Variants in SHANK2 observed in about 807,000 individuals in gnomAD.
The protein encoded by SHANK2 is SH3 and multiple ankyrin repeat domains 2.
A neutral mutation model predicts 133.7 loss-of-function variants in SHANK2; 43 were observed. That is an observed-to-expected ratio of 0.32 (90% CI 0.25 to 0.41). The LOEUF is 0.41. Among genes scored for constraint, SHANK2 ranks in the 10% least tolerant of loss-of-function variants. The pLI is 1.00. For synonymous variants in SHANK2, 1,017 were observed against 952.8 expected (o/e 1.07, Z -1.24); for missense variants, 1,994 against 2,235.8 (o/e 0.89, Z 2.18).
intron 17 of SHANK2, among the ~76,000 whole-genome samples, chr11:70,619,168 GA>G (rs1171261337): frequency 6.6e-6 from 1 of 152,234 alleles, no homozygotes; most frequent in African/African-American, 2.4e-5. Flanking sequence ...CCTTGGGTTA[GA>G]TTCTTATTGC....
chr11:70,860,889 A>C (rs1395099089), intron 11 of SHANK2, among the ~76,000 whole-genome samples: 2 of 152,192 alleles, frequency 1.3e-5, no homozygotes, highest in African/African-American at 2.4e-5. Context: ...AAATAAAAGA[A>C]AATGTGTATG....
At chr11:71,219,840 G>C (rs989171538) in intron 2 of SHANK2, among the ~76,000 whole-genome samples, 18 of 152,090 alleles carry the variant, frequency 1.2e-4, no homozygotes, top group African/African-American at 4.3e-4. Context: ...AGAGGTTACA[G>C]TGAGCTGAGA....
chr11:70,916,866 A>G (rs1555079973), intron 10 of SHANK2, among the ~76,000 whole-genome samples: 1 of 152,218 alleles, frequency 6.6e-6, no homozygotes, highest in African/African-American at 2.4e-5. Context: ...ATGTCCTCCT[A>G]TGATAAGCAA....
Position 70,486,901 on chromosome 11 carries a change from T to G in SHANK2, c.3392A>C (p.Asp1131Ala). The change falls in exon 25 of 26, where the codon GAT becomes GCT. Residue 1131 changes from aspartate (D) to alanine (A), a missense_variant. Coordinates refer to ENST00000601538, the MANE Select transcript of SHANK2 (RefSeq NM_012309.5). The surrounding 1 kb of genome is among the most constrained non-coding windows in gnomAD (Gnocchi z 8.0). The stretch of plus-strand genomic sequence containing the variant: ...CTCAGCGCTGTCCTCGTCAGCAAAA[T>G]CCCCCTCCTCGGGGAACATGGAGGG... ...TRPSMFPEEG[D>A]FADEDSAEQL... 1 of 1,612,416 alleles carries G rather than the reference T, an allele frequency of 6.2e-7. No homozygotes were observed. The highest frequency in any genetic ancestry group is 1.1e-5 in the South Asian group (1 of 91,066).
At chr11:70,931,197 G>A (rs1950499541) in intron 10 of SHANK2, among the ~76,000 whole-genome samples, 1 of 152,196 alleles carries the variant, frequency 6.6e-6, no homozygotes, top group Non-Finnish European at 1.5e-5. Context: ...TAGACTCGTG[G>A]TGCCAGGGGC....
At chr11:70,528,970 G>A (rs573213616) in intron 17 of SHANK2, among the ~76,000 whole-genome samples, 1 of 152,270 alleles carries the variant, frequency 6.6e-6, no homozygotes, top group East Asian at 1.9e-4. Flanking sequence ...GGCCTTGTGG[G>A]AGCCTTAGGG....
intron 9 of SHANK2, among the ~76,000 whole-genome samples, chr11:71,074,281 G>A (rs1951190098): frequency 6.6e-6 from 1 of 152,190 alleles, no homozygotes; most frequent in Non-Finnish European, 1.5e-5. Context: ...AATGGACTTA[G>A]AGACCCGGAG....
At chr11:71,132,354 G>C (rs568800506) in intron 3 of SHANK2, among the ~76,000 whole-genome samples, 77 of 152,264 alleles carry the variant, frequency 5.1e-4, no homozygotes, top group Admixed American at 1.2e-3. Flanking sequence ...TACCAGCTTG[G>C]GATGCCAGCA....
At chr11:70,944,964 G>T (rs1317561399) in intron 10 of SHANK2, among the ~76,000 whole-genome samples, 2 of 152,182 alleles carry the variant, frequency 1.3e-5, no homozygotes, top group African/African-American at 4.8e-5. Context: ...CTGCACTGAG[G>T]ATATTAGGTA....
At chr11:70,480,044 CAA>C (rs1555151129) in intron 25 of SHANK2, among the ~76,000 whole-genome samples, 2 of 152,186 alleles carry the variant, frequency 1.3e-5, no homozygotes, top group African/African-American at 4.8e-5. Context: ...CTTCAGGAAA[CAA>C]AGTCTGGTCA....
chr11:71,059,748 G>T (rs1376175128), intron 9 of SHANK2, among the ~76,000 whole-genome samples: 1 of 152,210 alleles, frequency 6.6e-6, no homozygotes, highest in African/African-American at 2.4e-5. Flanking sequence ...ACAGGTGGGC[G>T]GATCTGAGTT....
At chr11:70,574,488 T>C (rs1300009977) in intron 17 of SHANK2, among the ~76,000 whole-genome samples, 3 of 152,224 alleles carry the variant, frequency 2.0e-5, no homozygotes, top group African/African-American at 7.2e-5. Context: ...CATTCAGTCA[T>C]TCTTTCACTC....
intron 11 of SHANK2, among the ~76,000 whole-genome samples, chr11:70,859,987 C>A (rs376700225): frequency 4.6e-5 from 7 of 152,186 alleles, no homozygotes; most frequent in Non-Finnish European, 1.5e-5. Flanking sequence ...AACCCCACAG[C>A]GCCCAGGCTT....
chr11:70,526,100 A>G (rs894772727), intron 17 of SHANK2, among the ~76,000 whole-genome samples: 1 of 151,414 alleles, frequency 6.6e-6, no homozygotes, highest in East Asian at 2.0e-4. Flanking sequence ...ATAAGACACC[A>G]AACTATAAAC....
intron 10 of SHANK2, among the ~76,000 whole-genome samples, chr11:70,919,697 TCTC>T (rs1301231156): frequency 6.6e-6 from 1 of 152,110 alleles, no homozygotes; most frequent in Non-Finnish European, 1.5e-5. Flanking sequence ...CAAACTTACT[TCTC>T]CTATCTCAGC....
At chr11:70,918,497 T>C (rs1555080240) in intron 10 of SHANK2, among the ~76,000 whole-genome samples, 2 of 152,290 alleles carry the variant, frequency 1.3e-5, no homozygotes, top group East Asian at 1.9e-4. Context: ...GATATCCTTA[T>C]TTTAATTGAT....
intron 17 of SHANK2, among the ~76,000 whole-genome samples, chr11:70,514,059 T>C (rs2135893928): frequency 6.6e-6 from 1 of 152,202 alleles, no homozygotes; most frequent in Middle Eastern, 3.4e-3. Flanking sequence ...ATTTAAAAAA[T>C]TATATAGGGA....
chr11:71,238,751 C>G (rs1555124027), intron 1 of SHANK2, among the ~76,000 whole-genome samples: 1 of 152,260 alleles, frequency 6.6e-6, no homozygotes. Flanking sequence ...CCAGAGCTTG[C>G]TCGAGTCAAT....
chr11:70,489,307 C>T (rs374710625), intron 24 of SHANK2, 21 bp downstream of exon 24: 1 of 1,611,118 alleles, frequency 6.2e-7, no homozygotes, highest in African/African-American at 1.3e-5. Flanking sequence ...TTACAGATTC[C>T]AAACCGTAAG....
Sources: gnomAD v4.1 joint callset for allele counts (sites outside exome capture counted in the v4.1 genomes callset) on GRCh38, gnomAD v4.1.1 for gene constraint, Gnocchi (gnomAD v3.1) non-coding constraint, MANE v1.5 for transcripts, NCBI Gene and HGNC (gene_info 2026-07-23, HGNC 2026-07-21) for gene names.